Variants in DOCK1 observed in about 807,000 individuals in gnomAD.
The protein encoded by DOCK1 is dedicator of cytokinesis 1.
DOCK1 carries 138 observed loss-of-function variants against 262.7 expected under a neutral mutation model. That is an observed-to-expected ratio of 0.53 (90% CI 0.46 to 0.61). DOCK1 has a LOEUF of 0.61. DOCK1 is among the 20% of genes least tolerant of loss of function. The pLI is 0.00. For synonymous variants in DOCK1, 866 were observed against 867.4 expected, an observed-to-expected ratio of 1.00 and a Z score of 0.03; for missense variants, 1,908 against 2,370.7, an observed-to-expected ratio of 0.80 and a Z score of 4.05.
chr10:126,958,745 C>T (rs1479792325), intron 1 of DOCK1, among the ~76,000 whole-genome samples: 2 of 152,074 alleles, frequency 1.3e-5, no homozygotes, highest in South Asian at 2.1e-4. Flanking sequence ...CTGAGGGAGG[C>T]GCTGCTTAGT....
chr10:127,267,252 G>C (rs1050076400), intron 29 of DOCK1, among the ~76,000 whole-genome samples: 9 of 152,176 alleles, frequency 5.9e-5, no homozygotes, highest in African/African-American at 2.2e-4. Context: ...ACTGACCTAC[G>C]ACCAAATGCT....
At chr10:127,329,979 G>A (rs1460788968) in intron 29 of DOCK1, among the ~76,000 whole-genome samples, 8 of 152,262 alleles carry the variant, frequency 5.3e-5, no homozygotes, top group East Asian at 1.9e-4. Flanking sequence ...CTAACTCCAC[G>A]TTAGGGCTCT....
chr10:127,015,684 C>G (rs536523249), intron 12 of DOCK1, among the ~76,000 whole-genome samples: 31 of 152,186 alleles, frequency 2.0e-4, no homozygotes, highest in Non-Finnish European at 4.6e-4. Flanking sequence ...GACCTTCACG[C>G]TGGTCCCTCT....
intron 29 of DOCK1, among the ~76,000 whole-genome samples, chr10:127,270,557 T>G (rs1451965796): frequency 6.6e-6 from 1 of 150,714 alleles, no homozygotes; most frequent in Admixed American, 6.6e-5. Context: ...CTTCCTTCCT[T>G]CCTTCCTCTT....
chr10:127,346,517 G>A (rs2063640342), intron 31 of DOCK1, among the ~76,000 whole-genome samples: 1 of 152,130 alleles, frequency 6.6e-6, no homozygotes, highest in Non-Finnish European at 1.5e-5. Flanking sequence ...GATTTCTTGA[G>A]CCCAGGGGGT....
At chr10:127,242,647 T>G (rs191635549) in intron 27 of DOCK1, among the ~76,000 whole-genome samples, 8 of 152,316 alleles carry the variant, frequency 5.3e-5, no homozygotes, top group East Asian at 1.9e-4. Flanking sequence ...TTATGTTTTT[T>G]TTGTTGTTGT....
chr10:127,442,066 A>G (rs2070197988), intron 49 of DOCK1, among the ~76,000 whole-genome samples: 1 of 152,136 alleles, frequency 6.6e-6, no homozygotes, highest in Non-Finnish European at 1.5e-5. Context: ...GCTGCCTGGA[A>G]CAAGGCCATT....
intron 27 of DOCK1, among the ~76,000 whole-genome samples, chr10:127,144,674 C>T (rs865993994): frequency 2.6e-5 from 4 of 152,306 alleles, no homozygotes; most frequent in Middle Eastern, 3.4e-3. Context: ...TATATACCTA[C>T]ATTAAATATA....
intron 27 of DOCK1, among the ~76,000 whole-genome samples, chr10:127,181,334 A>G (rs1416135882): frequency 6.6e-6 from 1 of 152,192 alleles, no homozygotes; most frequent in East Asian, 1.9e-4. Flanking sequence ...TCTGAAGGCA[A>G]TTTTGTGGGG....
chr10:127,443,109 C>T (rs1007834386), intron 49 of DOCK1, among the ~76,000 whole-genome samples: 1 of 152,190 alleles, frequency 6.6e-6, no homozygotes, highest in Non-Finnish European at 1.5e-5. Flanking sequence ...TTGCTGCCAT[C>T]TCTGGTGTTT....
intron 25 of DOCK1, among the ~76,000 whole-genome samples, chr10:127,114,894 C>G (rs2049086411): frequency 6.6e-6 from 1 of 151,786 alleles, no homozygotes; most frequent in African/African-American, 2.4e-5. Flanking sequence ...GTAGCTGGTA[C>G]TACAGGCGCA....
At chr10:126,915,330 T>A (rs1338249667) in intron 1 of DOCK1, among the ~76,000 whole-genome samples, 7 of 152,042 alleles carry the variant, frequency 4.6e-5, no homozygotes, top group African/African-American at 1.7e-4. Context: ...TTGGGGTGTA[T>A]TTTGCTACTT....
At chr10:127,149,830 G>A (rs956920202) in intron 27 of DOCK1, among the ~76,000 whole-genome samples, 13 of 152,238 alleles carry the variant, frequency 8.5e-5, no homozygotes, top group African/African-American at 2.6e-4. Flanking sequence ...ACCCAATCCC[G>A]GGGTGTTCCA....
At position 127,410,834 on chromosome 10, in the gene DOCK1, G is replaced by A. The variant is rs756057247; in HGVS notation, c.4344-6G>A. The A allele has an allele frequency of 1.2e-6, 2 of 1,613,374 alleles. No individual in the cohort carries two copies. The highest frequency in any genetic ancestry group is 1.3e-5 in the African/African-American group (1 of 74,910). The stretch of plus-strand genomic sequence containing the variant: ...AATATCTAATGATCTGTCTGTCTCT[G>A]TACAGTTTTTACAGGGTGAACGAGG... On this transcript the variant is annotated splice_region_variant and splice_polypyrimidine_tract_variant and intron_variant, in intron 42 of 51. Coordinates refer to ENST00000623213, the MANE Select transcript of DOCK1 (RefSeq NM_001290223.2).
At chr10:127,111,197 G>C (rs1253360066) in intron 25 of DOCK1, among the ~76,000 whole-genome samples, 11 of 152,140 alleles carry the variant, frequency 7.2e-5, no homozygotes, top group African/African-American at 2.4e-4. Context: ...GCTTGGCTTG[G>C]TCCTTTGTGC....
chr10:127,361,166 T>G (rs2064407870), intron 32 of DOCK1, among the ~76,000 whole-genome samples: 1 of 137,736 alleles, frequency 7.3e-6, no homozygotes, highest in South Asian at 2.3e-4. Context: ...CAGGCTGGAG[T>G]GCACTGGCGT....
intron 40 of DOCK1, among the ~76,000 whole-genome samples, chr10:127,406,234 C>G (rs1201576502): frequency 6.6e-6 from 1 of 152,146 alleles, no homozygotes; most frequent in Non-Finnish European, 1.5e-5. Flanking sequence ...GAATCCAGAG[C>G]AAGGGAGCAG....
intron 1 of DOCK1, among the ~76,000 whole-genome samples, chr10:126,944,619 G>A (rs1021042868): frequency 2.0e-5 from 3 of 152,082 alleles, no homozygotes; most frequent in African/African-American, 7.2e-5. Context: ...CACCAAGCCT[G>A]AGGAGGAAGT....
At chr10:127,227,620 G>C (rs1397665980) in intron 27 of DOCK1, among the ~76,000 whole-genome samples, 1 of 152,196 alleles carries the variant, frequency 6.6e-6, no homozygotes, top group African/African-American at 2.4e-5. Context: ...GCACCTGAAA[G>C]GGTTCCCTCT....
Sources: gnomAD v4.1 joint callset for allele counts (sites outside exome capture counted in the v4.1 genomes callset) on GRCh38, gnomAD v4.1.1 for gene constraint, MANE v1.5 for transcripts, NCBI Gene and HGNC (gene_info 2026-07-23, HGNC 2026-07-21) for gene names.